Variants in ADCY2 observed in about 807,000 individuals in gnomAD.
The protein encoded by ADCY2 is adenylate cyclase type 2.
A neutral mutation model predicts 125.2 loss-of-function variants in ADCY2; 31 were observed. That is an observed-to-expected ratio of 0.25 (90% CI 0.19 to 0.33). The LOEUF is 0.33. Among genes scored for constraint, ADCY2 ranks in the 10% least tolerant of loss-of-function variants. The pLI, the probability that ADCY2 is intolerant of heterozygous loss-of-function variation, is 1.00. For synonymous variants in ADCY2, 512 were observed against 548.4 expected, an observed-to-expected ratio of 0.93 and a Z score of 0.93; for missense variants, 904 against 1,418.2, an observed-to-expected ratio of 0.64 and a Z score of 5.82.
chr5:7,693,846 G>T (rs930557637), intron 5 of ADCY2, among the ~76,000 whole-genome samples: 14 of 152,188 alleles, frequency 9.2e-5, no homozygotes, highest in Non-Finnish European at 1.6e-4. Flanking sequence ...AAGCACTGTG[G>T]ATGACGTGAG....
At chr5:7,523,561 T>G (rs940998223) in intron 3 of ADCY2, among the ~76,000 whole-genome samples, 1 of 152,160 alleles carries the variant, frequency 6.6e-6, no homozygotes, top group African/African-American at 2.4e-5. Flanking sequence ...TTCCAAGAGC[T>G]GGGAAAGGTG....
intron 5 of ADCY2, among the ~76,000 whole-genome samples, chr5:7,692,650 T>C (rs939110542): frequency 1.3e-5 from 2 of 152,204 alleles, no homozygotes; most frequent in African/African-American, 4.8e-5. Flanking sequence ...TTGGGAAATA[T>C]TTTTAAGTCA....
intron 2 of ADCY2, among the ~76,000 whole-genome samples, chr5:7,453,710 T>A (rs986397484): frequency 6.6e-6 from 1 of 152,114 alleles, no homozygotes; most frequent in Non-Finnish European, 1.5e-5. Context: ...TTGGCATACT[T>A]CCGGGGTCTT....
intron 4 of ADCY2, among the ~76,000 whole-genome samples, chr5:7,678,256 G>A (rs1259708637): frequency 6.6e-6 from 1 of 152,036 alleles, no homozygotes; most frequent in African/African-American, 2.4e-5. Flanking sequence ...TCAATTCTGG[G>A]CCACATGTCT....
intron 2 of ADCY2, among the ~76,000 whole-genome samples, chr5:7,493,936 T>C (rs1029085183): frequency 2.6e-5 from 4 of 151,906 alleles, no homozygotes; most frequent in Admixed American, 1.3e-4. Flanking sequence ...CAGCCAGCCC[T>C]ATAACGCTCT....
chr5:7,485,262 A>G (rs903622540), intron 2 of ADCY2, among the ~76,000 whole-genome samples: 3 of 152,374 alleles, frequency 2.0e-5, no homozygotes, highest in South Asian at 2.1e-4. Context: ...ATTTTAATAA[A>G]CTATCAATTG....
intron 4 of ADCY2, among the ~76,000 whole-genome samples, chr5:7,672,846 C>T (rs1739979584): frequency 6.6e-6 from 1 of 152,102 alleles, no homozygotes; most frequent in Non-Finnish European, 1.5e-5. Flanking sequence ...GGCCATGGTG[C>T]TCAAGGCCTG....
chr5:7,525,693 A>G (rs1734433908), intron 3 of ADCY2, among the ~76,000 whole-genome samples: 1 of 151,906 alleles, frequency 6.6e-6, no homozygotes, highest in Admixed American at 6.6e-5. Context: ...GTATATACTA[A>G]TAGTCATGAC....
Position 7,602,756 on chromosome 5 carries a change from T to G in ADCY2, c.571-23411T>G, listed in dbSNP as rs568652422. ...TTCATTTGCTTCACACCAAACTCACTGAGCAAACTCCATGTTAACAGAAGC... is the reference window on the plus strand; with the variant it reads ...TTCATTTGCTTCACACCAAACTCACGGAGCAAACTCCATGTTAACAGAAGC... On this transcript the variant is annotated intron_variant, in intron 3 of 24. Transcript: ENST00000338316. Among the ~76,000 whole-genome samples the G allele has an allele frequency of 5.9e-5, 9 of 152,308 alleles. No individual in the cohort carries two copies. The South Asian group carries it at 1.9e-3, about 32-fold the overall frequency.
At chr5:7,701,565 G>A (rs1209076558) in intron 7 of ADCY2, among the ~76,000 whole-genome samples, 6 of 152,120 alleles carry the variant, frequency 3.9e-5, no homozygotes, top group Non-Finnish European at 7.3e-5. Context: ...AATTCAAAAT[G>A]TTGTGTAACC....
intron 3 of ADCY2, among the ~76,000 whole-genome samples, chr5:7,601,477 G>A (rs567221540): frequency 6.6e-6 from 1 of 152,252 alleles, no homozygotes; most frequent in South Asian, 2.1e-4. Context: ...GACTCTAGAA[G>A]TTCACCTATT....
chr5:7,482,731 A>C (rs564790816), intron 2 of ADCY2, among the ~76,000 whole-genome samples: 15 of 145,384 alleles, frequency 1.0e-4, no homozygotes, highest in African/African-American at 3.5e-4. Flanking sequence ...AACCCACCTA[A>C]GTGTCTATCA....
At chr5:7,435,500 A>G (rs1487490997) in intron 2 of ADCY2, among the ~76,000 whole-genome samples, 1 of 152,234 alleles carries the variant, frequency 6.6e-6, no homozygotes. Context: ...AGTTCAGGGC[A>G]TACAACAGCT....
chr5:7,670,048 T>G (rs1739880846), intron 4 of ADCY2, among the ~76,000 whole-genome samples: 1 of 152,230 alleles, frequency 6.6e-6, no homozygotes, highest in Non-Finnish European at 1.5e-5. Flanking sequence ...TCCAGACAGT[T>G]AAGTTGTCAC....
chr5:7,812,595 T>A (rs1440599580), intron 22 of ADCY2, among the ~76,000 whole-genome samples: 4 of 152,128 alleles, frequency 2.6e-5, no homozygotes, highest in Non-Finnish European at 5.9e-5. Flanking sequence ...ATTTATTCAA[T>A]CTTAACTGAA....
chr5:7,508,121 G>A (rs72709170), intron 2 of ADCY2, among the ~76,000 whole-genome samples: 26,457 of 152,016 alleles, frequency 0.17, 2,459 homozygotes, highest in African/African-American at 0.2. Flanking sequence ...TGGACATTAT[G>A]GGTAAATGGC....
chr5:7,699,254 C>T (rs1265946909), intron 7 of ADCY2, among the ~76,000 whole-genome samples: 2 of 150,044 alleles, frequency 1.3e-5, no homozygotes, highest in Non-Finnish European at 3.0e-5. Context: ...CCCGCCACTA[C>T]GCCCGGCTAA....
chr5:7,718,369 C>T (rs995128030), intron 12 of ADCY2, among the ~76,000 whole-genome samples: 6 of 151,948 alleles, frequency 3.9e-5, no homozygotes, highest in African/African-American at 1.4e-4. Flanking sequence ...AGGATGGTCT[C>T]GATCTCTTGA....
intron 2 of ADCY2, among the ~76,000 whole-genome samples, chr5:7,514,531 G>C (rs945376349): frequency 2.0e-5 from 3 of 152,186 alleles, no homozygotes; most frequent in Non-Finnish European, 4.4e-5. Flanking sequence ...GCATAAACCT[G>C]ATGTTATGGG....
Sources: allele counts gnomAD v4.1 joint callset (sites outside exome capture counted in the v4.1 genomes callset), GRCh38; gene constraint gnomAD v4.1.1; transcripts MANE v1.5; gene names NCBI Gene and HGNC (gene_info 2026-07-23, HGNC 2026-07-21).